Variants in RFX4 observed in about 807,000 individuals in gnomAD.
RFX4 encodes the protein transcription factor RFX4.
RFX4 carries 10 observed loss-of-function variants against 95.0 expected under a neutral mutation model. The ratio of observed to expected loss-of-function variants is 0.11; its 90% confidence interval spans 0.06 to 0.18. RFX4 has a LOEUF of 0.18. RFX4 is among the 10% of genes least tolerant of loss of function. RFX4 has a pLI of 1.00. For synonymous variants in RFX4, 321 were observed against 340.7 expected, an observed-to-expected ratio of 0.94 and a Z score of 0.64; for missense variants, 640 against 922.0, an observed-to-expected ratio of 0.69 and a Z score of 3.96.
At chr12:106,634,631 G>C (rs990782665) in intron 2 of RFX4, among the ~76,000 whole-genome samples, 1 of 152,110 alleles carries the variant, frequency 6.6e-6, no homozygotes, top group Non-Finnish European at 1.5e-5. Context: ...GCAGAGACCC[G>C]TGCTGCAGCC....
At chr12:106,602,297 A>G (rs771878459) in intron 1 of RFX4, among the ~76,000 whole-genome samples, 1 of 152,106 alleles carries the variant, frequency 6.6e-6, no homozygotes, top group Non-Finnish European at 1.5e-5. Context: ...TGTCCCTGTC[A>G]CTCAGCCGTG....
intron 2 of RFX4, among the ~76,000 whole-genome samples, chr12:106,632,406 G>A (rs1287721721): frequency 6.6e-6 from 1 of 152,186 alleles, no homozygotes; most frequent in Non-Finnish European, 1.5e-5. Context: ...TTTACAGGAT[G>A]AATCTTGTTT....
intron 15 of RFX4, among the ~76,000 whole-genome samples, chr12:106,741,719 GA>G (rs2042806631): frequency 6.6e-6 from 1 of 152,144 alleles, no homozygotes; most frequent in Non-Finnish European, 1.5e-5. Context: ...TCCTCCTAAG[GA>G]AAAGGTTAAA....
At chr12:106,752,394 G>A (rs1045856790) in intron 17 of RFX4, among the ~76,000 whole-genome samples, 4 of 152,090 alleles carry the variant, frequency 2.6e-5, no homozygotes, top group Non-Finnish European at 5.9e-5. Context: ...CCCACAGTGG[G>A]TGCTCGGCCA....
chr12:106,612,365 T>TGCTATTG (rs1408014868), intron 2 of RFX4, among the ~76,000 whole-genome samples: 8 of 152,240 alleles, frequency 5.3e-5, no homozygotes, highest in African/African-American at 1.9e-4. Flanking sequence ...TTCTTTTTGA[T>TGCTATTG]GCTATTGTAC....
chr12:106,747,582 C>G lies in RFX4; in HGVS notation c.1779C>G (p.Pro593=). 1.2e-6 allele frequency: 2 copies of G among 1,613,812 alleles called. No homozygotes were observed. The highest frequency in any genetic ancestry group is 1.1e-5 in the South Asian group (1 of 91,038). Residue 593 remains proline (P), a synonymous_variant, in exon 16 of 18, where the codon CCC becomes CCG. Coordinates refer to ENST00000392842, the MANE Select transcript of RFX4 (RefSeq NM_213594.3). ...SSVTHRIPVY[P]HREEHGYTGS... is the part of the protein sequence containing the mutation. ...TCACACACAGGATACCAGTTTATCC[C>G]CACAGAGAGGAACATGGGTAGGTAA...
intron 3 of RFX4, among the ~76,000 whole-genome samples, chr12:106,653,337 G>A (rs757352998): frequency 1.3e-5 from 2 of 152,228 alleles, no homozygotes; most frequent in Non-Finnish European, 2.9e-5. Flanking sequence ...GAGGAAGAAC[G>A]AATCATGAGG....
At chr12:106,688,126 G>C (rs955571316) in intron 6 of RFX4, among the ~76,000 whole-genome samples, 2 of 140,884 alleles carry the variant, frequency 1.4e-5, no homozygotes, top group African/African-American at 5.4e-5. Context: ...CTAGAGTGCA[G>C]TGGCGCAATC....
At chr12:106,675,226 C>T (rs572594745) in intron 4 of RFX4, among the ~76,000 whole-genome samples, 1 of 152,162 alleles carries the variant, frequency 6.6e-6, no homozygotes, top group African/African-American at 2.4e-5. Context: ...AGGCCAGGAG[C>T]TTGAGACCAG....
At chr12:106,705,853 A>G (rs753615761) in intron 8 of RFX4, among the ~76,000 whole-genome samples, 3 of 152,170 alleles carry the variant, frequency 2.0e-5, no homozygotes, top group Non-Finnish European at 4.4e-5. Context: ...TGTGCCTACT[A>G]TGTGTCTGGC....
chr12:106,648,464 T>G (rs887028210), intron 3 of RFX4, among the ~76,000 whole-genome samples: 1 of 151,364 alleles, frequency 6.6e-6, no homozygotes, highest in Admixed American at 6.6e-5. Flanking sequence ...TAGACTACTG[T>G]CTTGTCCTGA....
rs1215609148 is a variant in RFX4, at chr12:106,630,955, GC to G, written c.131-8375del. ...TCTGGGGAGGTTTTGACATCAACTA[GC>G]CTGGGTCCTTGTCTTTGCTCTGCCA... On this transcript the variant is annotated intron_variant, in intron 2 of 17. Coordinates refer to ENST00000392842, the MANE Select transcript of RFX4 (RefSeq NM_213594.3). 1.4e-4 allele frequency among the ~76,000 whole-genome samples: 21 copies of G among 152,332 alleles called. No homozygotes were observed. The East Asian group carries it at 4.0e-3, about 29-fold the overall frequency.
chr12:106,742,187 GTTA>G (rs1949910746), intron 15 of RFX4, among the ~76,000 whole-genome samples: 2 of 152,144 alleles, frequency 1.3e-5, no homozygotes, highest in African/African-American at 4.8e-5. Context: ...TGTTGTTGTT[GTTA>G]TTGTTGTTGT....
At chr12:106,699,203 A>T (rs371136943) in intron 8 of RFX4, among the ~76,000 whole-genome samples, 1 of 152,102 alleles carries the variant, frequency 6.6e-6, no homozygotes, top group African/African-American at 2.4e-5. Context: ...ATTTCTAAAT[A>T]TTTGGGGATT....
chr12:106,603,530 G>T (rs2039756852), intron 1 of RFX4, among the ~76,000 whole-genome samples: 1 of 152,226 alleles, frequency 6.6e-6, no homozygotes, highest in South Asian at 2.1e-4. Flanking sequence ...GATGAATCAG[G>T]GGAAGGGATG....
At chr12:106,673,511 AAAT>A (rs1186050567) in intron 4 of RFX4, among the ~76,000 whole-genome samples, 1 of 152,260 alleles carries the variant, frequency 6.6e-6, no homozygotes, top group Non-Finnish European at 1.5e-5. Flanking sequence ...CTTGATGCTC[AAAT>A]GGAAGAAAGA....
At position 106,762,488 on chromosome 12, in the gene RFX4, T is replaced by A. The variant is rs1475584458; in HGVS notation, c.*1019T>A. The A allele has an allele frequency of 6.6e-6, 1 of 152,546 alleles. No individual in the cohort carries two copies. Among genetic ancestry groups the A allele is most frequent in the Non-Finnish European group, 1.5e-5 (1 of 68,034 alleles). 9.4% of individuals were successfully genotyped at this position (152,546 alleles called of 1,614,324 possible). On this transcript the variant is annotated 3_prime_UTR_variant, in exon 18 of 18. Transcript: ENST00000392842. ...TGTATGTGTGGAAATAAAAATGTATTGTACTTTTGGAGAATTTTTTGTAGG... is the reference window on the plus strand; with the variant it reads ...TGTATGTGTGGAAATAAAAATGTATAGTACTTTTGGAGAATTTTTTGTAGG...
chr12:106,685,051 G>A, intron 5 of RFX4: 1 of 1,345,436 alleles, frequency 7.4e-7, no homozygotes, highest in Non-Finnish European at 9.9e-7. Flanking sequence ...CATGGGTAGA[G>A]AAAAGTAGTT....
chr12:106,689,460 C>A, intron 7 of RFX4, 96 bp downstream of exon 7: 1 of 961,878 alleles, frequency 1.0e-6, no homozygotes, highest in Non-Finnish European at 1.7e-6. Context: ...CCAGGCCTGG[C>A]ATCTGGAAGC....
Sources: allele counts gnomAD v4.1 joint callset (sites outside exome capture counted in the v4.1 genomes callset), GRCh38; gene constraint gnomAD v4.1.1; transcripts MANE v1.5; gene names NCBI Gene and HGNC (gene_info 2026-07-23, HGNC 2026-07-21).